MNAT1: variants seen among roughly 807,000 people sequenced by gnomAD.
MNAT1 encodes the protein MNAT1 component of CDK activating kinase.
A neutral mutation model predicts 42.0 loss-of-function variants in MNAT1; 43 were observed. That is an observed-to-expected ratio of 1.02 (90% confidence interval 0.80 to 1.32). MNAT1 has a LOEUF of 1.32. MNAT1 is among the 40% of genes most tolerant of loss of function. The probability of loss-of-function intolerance (pLI) is 0.00; values close to 1 mark genes in which losing one functional copy is unlikely to be tolerated. For missense variants in MNAT1, 306 were observed against 350.4 expected (o/e 0.87, Z 1.01); for synonymous variants, 118 against 120.0 (o/e 0.98, Z 0.11).
chr14:60,788,547 C>T (rs567072353), intron 1 of MNAT1, among the ~76,000 whole-genome samples: 122 of 152,276 alleles, frequency 8.0e-4, no homozygotes, highest in Middle Eastern at 3.4e-3. Context: ...AAGTCCTAGA[C>T]GGCATCTTCC....
chr14:60,798,118 C>G lies in MNAT1; in HGVS notation c.274C>G (p.Leu92Val), dbSNP rs917666881. The G allele has an allele frequency of 2.0e-6, 3 of 1,518,914 alleles. No homozygotes were observed. The highest frequency in any genetic ancestry group is 2.3e-5 in the South Asian group (2 of 88,596). The allele number at this position is 1,518,914 out of a possible 1,614,324, so 94.1% of individuals were successfully genotyped here. Residue 92 changes from leucine (L) to valine (V), a missense_variant, in exon 3 of 8, where the codon CTA (leucine) becomes GTA (valine). Physicochemically the swap from Leu to Val is conservative, Grantham distance 32 (BLOSUM62 1). This residue lies in a region of MNAT1 where 72 missense variants were observed against 111.0 expected (regional missense o/e 0.65). Transcript: ENST00000261245. The stretch of plus-strand genomic sequence containing the variant: ...TAAAAGGGAAGAAGATTTTCCTAGT[C>G]TAAGAGAATACAATGATTTCTTGGA... ...YNKREEDFPS[L>V]REYNDFLEEV...
At chr14:60,878,825 T>C (rs1382177196) in intron 6 of MNAT1, among the ~76,000 whole-genome samples, 1 of 152,118 alleles carries the variant, frequency 6.6e-6, no homozygotes, top group Non-Finnish European at 1.5e-5. Flanking sequence ...TTCAGGATCT[T>C]GATCACAGTT....
At chr14:60,777,175 T>G (rs180967136) in intron 1 of MNAT1, among the ~76,000 whole-genome samples, 6 of 152,150 alleles carry the variant, frequency 3.9e-5, no homozygotes. Context: ...AGGAAGTTAA[T>G]TTGAGTAGTT....
At chr14:60,795,473 T>G (rs936693399) in intron 1 of MNAT1, among the ~76,000 whole-genome samples, 1 of 152,220 alleles carries the variant, frequency 6.6e-6, no homozygotes, top group Non-Finnish European at 1.5e-5. Context: ...TAGGAAGTTG[T>G]AAGCCCTTCT....
chr14:60,815,261 G>T (rs2032676124), intron 5 of MNAT1, among the ~76,000 whole-genome samples: 1 of 151,258 alleles, frequency 6.6e-6, no homozygotes, highest in African/African-American at 2.4e-5. Flanking sequence ...CTGTGCCCCA[G>T]CTGGAGTGCA....
At chr14:60,888,964 G>A (rs1301494476) in intron 7 of MNAT1, among the ~76,000 whole-genome samples, 2 of 136,306 alleles carry the variant, frequency 1.5e-5, no homozygotes, top group South Asian at 5.3e-4. Context: ...CAAACAAATG[G>A]AAGAACATTC....
chr14:60,849,812 A>G (rs150789016), intron 6 of MNAT1, among the ~76,000 whole-genome samples: 2 of 151,950 alleles, frequency 1.3e-5, no homozygotes, highest in African/African-American at 4.8e-5. Flanking sequence ...GAGGTCCTAT[A>G]TTGCTGTTGT....
At chr14:60,909,956 G>A (rs2035310012) in intron 7 of MNAT1, among the ~76,000 whole-genome samples, 1 of 152,122 alleles carries the variant, frequency 6.6e-6, no homozygotes, top group Non-Finnish European at 1.5e-5. Context: ...CTACCCATGA[G>A]CATGGAATGT....
chr14:60,938,732 T>C (rs975421417), intron 7 of MNAT1, among the ~76,000 whole-genome samples: 1 of 152,226 alleles, frequency 6.6e-6, no homozygotes, highest in Non-Finnish European at 1.5e-5. Context: ...GGTATCAGGA[T>C]GATGCTGGCC....
intron 6 of MNAT1, among the ~76,000 whole-genome samples, chr14:60,859,324 A>T (rs1238707474): frequency 2.0e-5 from 3 of 152,148 alleles, no homozygotes; most frequent in Non-Finnish European, 2.9e-5. Context: ...AGGATTGGAG[A>T]TGATCTTTAA....
At chr14:60,865,569 G>C (rs1006074388) in intron 6 of MNAT1, among the ~76,000 whole-genome samples, 1 of 151,950 alleles carries the variant, frequency 6.6e-6, no homozygotes, top group African/African-American at 2.4e-5. Context: ...AACAGATATG[G>C]TTTGCTGGAC....
chr14:60,850,807 A>C (rs2033804421), intron 6 of MNAT1, among the ~76,000 whole-genome samples: 1 of 152,208 alleles, frequency 6.6e-6, no homozygotes, highest in Non-Finnish European at 1.5e-5. Context: ...AAAGAGAGTG[A>C]TTAGGTGACT....
chr14:60,766,901 G>A (rs2030850584), intron 1 of MNAT1, among the ~76,000 whole-genome samples: 1 of 152,176 alleles, frequency 6.6e-6, no homozygotes, highest in African/African-American at 2.4e-5. Context: ...ACTTGAAACA[G>A]TAATACAAAT....
chr14:60,905,722 T>G (rs1214943399), intron 7 of MNAT1, among the ~76,000 whole-genome samples: 1 of 152,212 alleles, frequency 6.6e-6, no homozygotes, highest in Non-Finnish European at 1.5e-5. Flanking sequence ...AGAGTAAATG[T>G]CCCAGCTCCA....
chr14:60,887,540 A>G (rs1448777491), intron 7 of MNAT1, among the ~76,000 whole-genome samples: 1 of 151,700 alleles, frequency 6.6e-6, no homozygotes, highest in Non-Finnish European at 1.5e-5. Flanking sequence ...AGTTTCATCC[A>G]TGTCCCTACA....
intron 7 of MNAT1, among the ~76,000 whole-genome samples, chr14:60,902,971 A>G (rs1594851665): frequency 1.3e-5 from 2 of 151,934 alleles, no homozygotes; most frequent in East Asian, 1.9e-4. Context: ...TTTCTTTTCA[A>G]TGCTATATTT....
chr14:60,805,429 A>G (rs2032337582), intron 3 of MNAT1, among the ~76,000 whole-genome samples: 3 of 152,140 alleles, frequency 2.0e-5, no homozygotes, highest in African/African-American at 7.2e-5. Flanking sequence ...CAAAGTCTGT[A>G]GTTTACACTA....
chr14:60,740,696 A>C lies in MNAT1; in HGVS notation c.89+5745A>C, dbSNP rs1395349103. On this transcript the variant is annotated intron_variant, in intron 1 of 7. Transcript: ENST00000261245. The surrounding 1 kb of genome is among the most constrained non-coding windows in gnomAD (Gnocchi z 4.1). ...AGGAACATTCTAGATATATTATTTT[A>C]TAATTTTCTGTTGTGATAAGAGGAT... Among the ~76,000 whole-genome samples the C allele has an allele frequency of 6.6e-6, 1 of 152,174 alleles. No homozygotes were observed. The highest frequency in any genetic ancestry group is 1.5e-5 in the Non-Finnish European group (1 of 68,030).
Position 60,909,367 on chromosome 14 carries a change from T to C in MNAT1, c.809+29532T>C, listed in dbSNP as rs561140877. Among the ~76,000 whole-genome samples the C allele has an allele frequency of 6.7e-3, 1,020 of 152,252 alleles. 9 individuals are homozygous for C. Among genetic ancestry groups the C allele is most frequent in the African/African-American group, 0.023 (937 of 41,546 alleles). Reference sequence around the variant, plus strand: ...TCAATTTTGGCTTTTGTTGCCATTTTTTTTGGTGTTTTAAACATGAAGTCC... The same window carrying C: ...TCAATTTTGGCTTTTGTTGCCATTTCTTTTGGTGTTTTAAACATGAAGTCC... On this transcript the variant is annotated intron_variant, in intron 7 of 7. Coordinates refer to ENST00000261245, the MANE Select transcript of MNAT1 (RefSeq NM_002431.4).
Sources: gnomAD v4.1 joint callset for allele counts (sites outside exome capture counted in the v4.1 genomes callset) on GRCh38, gnomAD v4.1.1 for gene constraint, gnomAD v4.1.1 regional missense constraint, Gnocchi (gnomAD v3.1) non-coding constraint, MANE v1.5 for transcripts, NCBI Gene and HGNC (gene_info 2026-07-23, HGNC 2026-07-21) for gene names.